Variants in MTCL1 observed in about 807,000 individuals in gnomAD.
MTCL1 encodes the protein microtubule cross-linking factor 1.
Under a neutral mutation model 141.4 loss-of-function variants are expected in MTCL1, and 79 were observed. The observed-to-expected ratio is 0.56, with a 90% CI of 0.47 to 0.67. The LOEUF (loss-of-function observed/expected upper bound fraction) is 0.67, where lower values mean the gene tolerates loss of function less well. MTCL1 is among the 30% of genes least tolerant of loss of function. The pLI is 0.00. For synonymous variants in MTCL1, 914 were observed against 875.8 expected, an observed-to-expected ratio of 1.04 and a Z score of -0.77; for missense variants, 2,177 against 2,113.9, an observed-to-expected ratio of 1.03 and a Z score of -0.59.
chr18:8,710,701 G>A (rs1357764521), intron 1 of MTCL1, among the ~76,000 whole-genome samples: 1 of 150,604 alleles, frequency 6.6e-6, no homozygotes, highest in African/African-American at 2.4e-5. Flanking sequence ...TTTCCCTCTT[G>A]CAATCATGTT....
At position 8,784,736 on chromosome 18, in the gene MTCL1, C is replaced by T. The variant is rs114113780; in HGVS notation, c.1624C>T (p.Pro542Ser). ...GAACCGCATTGGGGATGGCCTATCCCCCTTGCCCCACCTCACAGAGTCCTC... is the reference window on the plus strand; with the variant it reads ...GAACCGCATTGGGGATGGCCTATCCTCCTTGCCCCACCTCACAGAGTCCTC... Residue 542 changes from proline to serine, a missense_variant, in exon 6 of 17, where the codon CCC becomes TCC. By Grantham distance (74) the Pro-to-Ser change is moderately conservative. Transcript: ENST00000359865. The T allele has an allele frequency of 6.2e-5, 100 of 1,614,194 alleles. 1 individual carries two copies. In the East Asian group the frequency reaches 1.7e-3, roughly 27 times the overall value.
chr18:8,734,665 G>T (rs1248332463), intron 4 of MTCL1, among the ~76,000 whole-genome samples: 1 of 152,162 alleles, frequency 6.6e-6, no homozygotes, highest in Non-Finnish European at 1.5e-5. Context: ...GTGGTTTCTT[G>T]TGCCGTCACT....
intron 4 of MTCL1, among the ~76,000 whole-genome samples, chr18:8,725,550 CTCTGTTATTT>C (rs1324724759): frequency 2.0e-5 from 3 of 152,218 alleles, no homozygotes; most frequent in Non-Finnish European, 2.9e-5. Context: ...TTGGGGTACA[CTCTGTTATTT>C]TCCATTCAGC....
At chr18:8,712,246 G>A (rs2096097578) in intron 1 of MTCL1, among the ~76,000 whole-genome samples, 1 of 152,240 alleles carries the variant, frequency 6.6e-6, no homozygotes, top group Non-Finnish European at 1.5e-5. Context: ...TACAAGGGCA[G>A]AGAAAATTGG....
intron 1 of MTCL1, among the ~76,000 whole-genome samples, chr18:8,710,875 C>CT (rs1221391279): frequency 5.3e-4 from 22 of 41,760 alleles, no homozygotes; most frequent in East Asian, 1.9e-3. Context: ...TTTCTTTTTT[C>CT]TTTTTTTTTT....
intron 4 of MTCL1, among the ~76,000 whole-genome samples, chr18:8,747,380 A>G (rs2096344634): frequency 6.6e-6 from 1 of 150,916 alleles, no homozygotes; most frequent in African/African-American, 2.4e-5. Flanking sequence ...GTCCAAGATC[A>G]AGGTGCCTGC....
At chr18:8,789,390 G>T (rs2075639133) in intron 7 of MTCL1, 7 of 984,084 alleles carry the variant, frequency 7.1e-6, no homozygotes, top group Non-Finnish European at 7.2e-6. Flanking sequence ...TAATAGAGGA[G>T]TAGCATTGCT....
chr18:8,734,547 C>T (rs1026505101), intron 4 of MTCL1, among the ~76,000 whole-genome samples: 11 of 152,022 alleles, frequency 7.2e-5, no homozygotes, highest in Admixed American at 1.3e-4. Context: ...CCATGTTCAC[C>T]TTTGCTCTCA....
intron 14 of MTCL1, 131 bp from the exon 14 acceptor site, chr18:8,824,568 A>G: frequency 1.4e-6 from 1 of 698,626 alleles, no homozygotes; most frequent in South Asian, 1.9e-5. Context: ...TGAGCAGCTG[A>G]CAGTGTTCTC....
chr18:8,722,210 T>C (rs1304920540), intron 4 of MTCL1, among the ~76,000 whole-genome samples: 1 of 152,144 alleles, frequency 6.6e-6, no homozygotes, highest in African/African-American at 2.4e-5. Flanking sequence ...TTAGAGGGTA[T>C]AGAAAATAGT....
intron 4 of MTCL1, among the ~76,000 whole-genome samples, chr18:8,759,685 A>G (rs955846400): frequency 4.6e-5 from 7 of 152,244 alleles, no homozygotes; most frequent in Admixed American, 3.3e-4. Flanking sequence ...TTAAAGAAGC[A>G]TGTAATTGGC....
chr18:8,783,567 C>G lies in MTCL1; in HGVS notation c.455C>G (p.Ala152Gly), dbSNP rs745652783. 5.6e-6 allele frequency: 9 copies of G among 1,609,220 alleles called. No individual in the cohort carries two copies. The Admixed American group carries it at 1.5e-4, about 27-fold the overall frequency. The change falls in exon 6 of 17, where the codon GCC becomes GGC. Residue 152 changes from alanine to glycine, a missense_variant. Ala to Gly is a moderately conservative substitution (Grantham distance 60). Coordinates refer to ENST00000359865, the Ensembl canonical transcript of MTCL1. ...GATTTGAGGTGCCAGCTCCAGTTTGCCAAAGAGGAAGCCTTCCTGATGCGC... is the reference window on the plus strand; with the variant it reads ...GATTTGAGGTGCCAGCTCCAGTTTGGCAAAGAGGAAGCCTTCCTGATGCGC...
At chr18:8,745,409 G>A (rs1454714144) in intron 4 of MTCL1, among the ~76,000 whole-genome samples, 1 of 152,072 alleles carries the variant, frequency 6.6e-6, no homozygotes, top group African/African-American at 2.4e-5. Flanking sequence ...ATCCGTCTGC[G>A]GCATACTTCT....
chr18:8,751,520 C>T lies in MTCL1; in HGVS notation c.358-26313C>T, dbSNP rs28402284. 8.0e-3 allele frequency among the ~76,000 whole-genome samples: 1,223 copies of T among 152,292 alleles called. 16 individuals are homozygous for T. Among genetic ancestry groups the T allele is most frequent in the African/African-American group, 0.028 (1,171 of 41,546 alleles). The stretch of plus-strand genomic sequence containing the variant: ...ACTGACATTTTGTGCTATAGTTTCT[C>T]CCTGGACTGCAATTTTTGACACTCA... On this transcript the variant is annotated intron_variant, in intron 4 of 16. Transcript: ENST00000359865.
chr18:8,785,071 C>T (rs888513), intron 6 of MTCL1, among the ~76,000 whole-genome samples: 123,589 of 149,688 alleles, frequency 0.83, 51,193 homozygotes, highest in Non-Finnish European at 0.87. Flanking sequence ...TTTTTCCTTT[C>T]TCCTGTCTTA....
At chr18:8,784,673 G>A (rs749117532) in exon 6 of MTCL1, 2 of 1,614,166 alleles carry the variant, frequency 1.2e-6, no homozygotes, top group Non-Finnish European at 1.7e-6. Context: ...CAAGATGAAG[G>A]CTTTCAAGAA....
At chr18:8,798,038 A>G in intron 9 of MTCL1, 59 bp from the exon 9 acceptor site, 1 of 1,494,636 alleles carries the variant, frequency 6.7e-7, no homozygotes, top group Non-Finnish European at 9.0e-7. Context: ...AGTGAAAATC[A>G]GGCTGTACAG....
chr18:8,714,874 G>A (rs2096117743), upstream of MTCL1, among the ~76,000 whole-genome samples: 1 of 151,870 alleles, frequency 6.6e-6, no homozygotes, highest in Non-Finnish European at 1.5e-5. Flanking sequence ...TCCACTCACT[G>A]CAAGCTCCAC....
Position 8,777,813 on chromosome 18 carries a change from G to A in MTCL1, c.358-20G>A. 4 of 1,613,176 alleles carry A rather than the reference G, an allele frequency of 2.5e-6. 1 individual carries two copies. The South Asian group carries it at 4.4e-5, about 18-fold the overall frequency. On this transcript the variant is annotated intron_variant, in intron 4 of 16. Transcript: ENST00000359865. Reference sequence around the variant, plus strand: ...ACGTGTGAGCCCTTGGTCACAGAATGTCACTTGGATCTATTTCAGAGTTCC... The same window carrying A: ...ACGTGTGAGCCCTTGGTCACAGAATATCACTTGGATCTATTTCAGAGTTCC...
Sources: allele counts gnomAD v4.1 joint callset (sites outside exome capture counted in the v4.1 genomes callset), GRCh38; gene constraint gnomAD v4.1.1; transcripts MANE v1.5; gene names NCBI Gene and HGNC (gene_info 2026-07-23, HGNC 2026-07-21).